Variants in CA10 observed in about 807,000 individuals in gnomAD.
The protein encoded by CA10 is carbonic anhydrase 10 (inactive).
Under a neutral mutation model 44.2 loss-of-function variants are expected in CA10, and 14 were observed. The observed-to-expected ratio is 0.32, with a 90% CI of 0.21 to 0.50. The LOEUF (loss-of-function observed/expected upper bound fraction) is 0.50. Ranked by LOEUF, CA10 falls within the 20% of genes least tolerant of loss-of-function variation. CA10 has a pLI of 0.99. For missense variants in CA10, 350 were observed against 409.7 expected, an observed-to-expected ratio of 0.85 and a Z score of 1.26; for synonymous variants, 159 against 141.6, an observed-to-expected ratio of 1.12 and a Z score of -0.87.
intron 3 of CA10, among the ~76,000 whole-genome samples, chr17:51,822,543 T>C (rs1421645639): frequency 6.6e-6 from 1 of 152,250 alleles, no homozygotes; most frequent in Non-Finnish European, 1.5e-5. Flanking sequence ...TGCTTAATTT[T>C]TCTGGACATA....
intron 6 of CA10, among the ~76,000 whole-genome samples, chr17:51,646,973 TC>T (rs1174853287): frequency 6.6e-6 from 1 of 151,948 alleles, no homozygotes; most frequent in Non-Finnish European, 1.5e-5. Context: ...CAGCTATCTT[TC>T]CCCATGCAGG....
chr17:51,975,786 G>A (rs1033150110), intron 2 of CA10, among the ~76,000 whole-genome samples: 4 of 148,868 alleles, frequency 2.7e-5, no homozygotes, highest in African/African-American at 9.9e-5. Context: ...TCGCTAGATC[G>A]TTAGAACCGA....
At chr17:51,963,813 C>T (rs779633189) in intron 2 of CA10, among the ~76,000 whole-genome samples, 13 of 152,076 alleles carry the variant, frequency 8.5e-5, no homozygotes, top group Non-Finnish European at 1.6e-4. Context: ...CATAAAAATA[C>T]ACCTAAGTGC....
intron 2 of CA10, among the ~76,000 whole-genome samples, chr17:51,979,508 G>A (rs1984579691): frequency 6.6e-6 from 1 of 152,030 alleles, no homozygotes; most frequent in Non-Finnish European, 1.5e-5. Context: ...AGACCCCAGT[G>A]CCTGTTGTTT....
intron 4 of CA10, among the ~76,000 whole-genome samples, chr17:51,668,062 C>A (rs1252127934): frequency 6.6e-6 from 1 of 152,220 alleles, no homozygotes; most frequent in East Asian, 1.9e-4. Context: ...AAAGGGTCTA[C>A]CCCCAAATAC....
At chr17:51,804,765 G>A (rs1907065181) in intron 3 of CA10, among the ~76,000 whole-genome samples, 1 of 152,124 alleles carries the variant, frequency 6.6e-6, no homozygotes, top group African/African-American at 2.4e-5. Flanking sequence ...ATACGTATGT[G>A]ATGCTATTTA....
chr17:51,931,545 T>C (rs1982659776), intron 2 of CA10, among the ~76,000 whole-genome samples: 1 of 152,178 alleles, frequency 6.6e-6, no homozygotes, highest in South Asian at 2.1e-4. Context: ...CTTATCCTAT[T>C]TGGAAGTTTT....
At chr17:51,998,988 T>C (rs1189711881) in intron 2 of CA10, among the ~76,000 whole-genome samples, 1 of 152,088 alleles carries the variant, frequency 6.6e-6, no homozygotes, top group Non-Finnish European at 1.5e-5. Context: ...TGGGAATTAA[T>C]GGAGTGAATA....
rs117251888 is a variant in CA10, at chr17:51,988,686, G to A, written c.137-57554C>T. On this transcript the variant is annotated intron_variant, in intron 2 of 8. Transcript: ENST00000451037. Reference sequence around the variant, plus strand: ...ATTTTTACCTTTCTACTAGTGTCAGGTTCTAAGTACAATACTTAGAGATAC... The same window carrying A: ...ATTTTTACCTTTCTACTAGTGTCAGATTCTAAGTACAATACTTAGAGATAC... Among the ~76,000 whole-genome samples the A allele has an allele frequency of 4.5e-3, 687 of 151,794 alleles. 1 individual carries two copies. Among genetic ancestry groups the A allele is most frequent in the Non-Finnish European group, 7.0e-3 (472 of 67,892 alleles).
chr17:52,091,534 A>T (rs1988266218), intron 1 of CA10, among the ~76,000 whole-genome samples: 1 of 152,306 alleles, frequency 6.6e-6, no homozygotes, highest in South Asian at 2.1e-4. Flanking sequence ...TGCTGGCTAA[A>T]CAATTTCCCC....
chr17:52,054,778 A>G (rs1283270042), intron 2 of CA10, among the ~76,000 whole-genome samples: 1 of 151,838 alleles, frequency 6.6e-6, no homozygotes, highest in African/African-American at 2.4e-5. Context: ...CCCGATAGAT[A>G]TGGAAATTAT....
intron 6 of CA10, among the ~76,000 whole-genome samples, chr17:51,642,338 T>C (rs1338912612): frequency 2.0e-5 from 3 of 152,208 alleles, no homozygotes; most frequent in Admixed American, 6.5e-5. Flanking sequence ...TGATATTTCG[T>C]CACATTTAAC....
At chr17:52,061,927 T>C (rs937591596) in intron 2 of CA10, among the ~76,000 whole-genome samples, 2 of 152,184 alleles carry the variant, frequency 1.3e-5, no homozygotes, top group African/African-American at 2.4e-5. Flanking sequence ...TATTGAAGGA[T>C]AAACTTACTG....
chr17:51,852,233 A>C (rs1978827834), intron 3 of CA10, among the ~76,000 whole-genome samples: 1 of 152,310 alleles, frequency 6.6e-6, no homozygotes, highest in East Asian at 1.9e-4. Context: ...ACACTCAGTC[A>C]TGACCACAGC....
chr17:52,007,557 T>A (rs184664898), intron 2 of CA10, among the ~76,000 whole-genome samples: 3 of 151,736 alleles, frequency 2.0e-5, no homozygotes, highest in Admixed American at 2.0e-4. Context: ...TTTATGATAG[T>A]GGCCTATGGT....
chr17:51,937,818 C>A (rs914727941), intron 2 of CA10, among the ~76,000 whole-genome samples: 1 of 152,098 alleles, frequency 6.6e-6, no homozygotes, highest in Non-Finnish European at 1.5e-5. Context: ...GCTGACCTGG[C>A]CCTTTTCTCA....
chr17:51,727,217 C>T (rs1186316957), intron 4 of CA10, among the ~76,000 whole-genome samples: 4 of 152,112 alleles, frequency 2.6e-5, no homozygotes, highest in Non-Finnish European at 5.9e-5. Context: ...TGGCATTTGT[C>T]GGGGGTGAGG....
At chr17:52,058,022 A>G (rs1187830058) in intron 2 of CA10, among the ~76,000 whole-genome samples, 1 of 152,132 alleles carries the variant, frequency 6.6e-6, no homozygotes, top group African/African-American at 2.4e-5. Flanking sequence ...ACAAAAGCCT[A>G]TCCAACAGGA....
intron 3 of CA10, among the ~76,000 whole-genome samples, chr17:51,797,508 C>A (rs73354968): frequency 0.046 from 7,047 of 152,146 alleles, 405 homozygotes; most frequent in African/African-American, 0.13. Context: ...GCCCCACCAC[C>A]CCTGGCATAC....
Sources: gnomAD v4.1 joint callset for allele counts (sites outside exome capture counted in the v4.1 genomes callset) on GRCh38, gnomAD v4.1.1 for gene constraint, MANE v1.5 for transcripts, NCBI Gene and HGNC (gene_info 2026-07-23, HGNC 2026-07-21) for gene names.